Variants in ITPR1 observed in about 807,000 individuals in gnomAD.
ITPR1 encodes inositol 1,4,5-trisphosphate-gated calcium channel ITPR1.
Under a neutral mutation model 318.4 loss-of-function variants are expected in ITPR1, and 96 were observed. That is an observed-to-expected ratio of 0.30 (90% CI 0.26 to 0.36). The LOEUF (loss-of-function observed/expected upper bound fraction) is 0.36. Among genes scored for constraint, ITPR1 ranks in the 10% least tolerant of loss-of-function variants. The pLI, the probability that ITPR1 is intolerant of heterozygous loss-of-function variation, is 1.00. For missense variants in ITPR1, 2,440 were observed against 3,460.2 expected (o/e 0.71, Z 7.40); for synonymous variants, 1,312 against 1,289.9 (o/e 1.02, Z -0.37).
chr3:4,628,631 C>T (rs1398053573), intron 5 of ITPR1, among the ~76,000 whole-genome samples: 1 of 152,168 alleles, frequency 6.6e-6, no homozygotes, highest in East Asian at 1.9e-4. Context: ...CATTTTCTCC[C>T]CGTCATGTAA....
intron 3 of ITPR1, among the ~76,000 whole-genome samples, chr3:4,517,999 G>A (rs868038686): frequency 2.6e-5 from 4 of 152,308 alleles, no homozygotes; most frequent in South Asian, 4.1e-4. Flanking sequence ...TGTCATCATT[G>A]CTGTTTGTGG....
In ITPR1 at chr3:4,846,294, C is replaced by T. The variant is rs374393849; in HGVS notation, c.*69C>T. On this transcript the variant is annotated 3_prime_UTR_variant, in exon 62 of 62. Transcript: ENST00000649015. ...TTAGTGTGGGTATGGCTAATGAGTT[C>T]TGATTCACCCACGAAGGTTACATTT... 8 of 1,015,522 alleles carry T rather than the reference C, an allele frequency of 7.9e-6. No homozygotes were observed. In the East Asian group the frequency reaches 2.1e-4, roughly 27 times the overall value. 62.9% of individuals were successfully genotyped at this position (1,015,522 alleles called of 1,614,324 possible). A position where few individuals can be genotyped will look rare whatever the true frequency, so the allele number is the denominator to read the frequency against.
chr3:4,794,478 T>C (rs2047767232), intron 52 of ITPR1, among the ~76,000 whole-genome samples: 1 of 152,272 alleles, frequency 6.6e-6, no homozygotes, highest in African/African-American at 2.4e-5. Context: ...TTCAGGGAAA[T>C]GGCAGATGAC....
Position 4,702,866 on chromosome 3 carries a change from G to A in ITPR1, c.4573G>A (p.Val1525Met), listed in dbSNP as rs1353413445. 1 of 1,613,872 alleles carries A rather than the reference G, an allele frequency of 6.2e-7. No homozygotes were observed. Among genetic ancestry groups the A allele is most frequent in the Non-Finnish European group, 8.5e-7 (1 of 1,179,820 alleles). The change falls in exon 36 of 62, where the codon GTG becomes ATG. Residue 1525 changes from valine (V) to methionine (M), a missense_variant. By Grantham distance (21) the Val-to-Met change is conservative. Coordinates refer to ENST00000649015, the MANE Select transcript of ITPR1 (RefSeq NM_001378452.1). ...QPVFVQLLQG[V>M]FRVYHCNWLM... ...TGTCTTTGTGCAACTGCTGCAAGGC[G>A]TGTTCAGGGTTTACCACTGCAACTG...
intron 4 of ITPR1, among the ~76,000 whole-genome samples, chr3:4,557,968 A>C (rs1258111994): frequency 6.6e-6 from 1 of 152,188 alleles, no homozygotes; most frequent in Non-Finnish European, 1.5e-5. Flanking sequence ...GCTGCTTTTT[A>C]AAACCTCCTC....
In ITPR1 at chr3:4,684,194, C is replaced by A. The variant is rs562074855; in HGVS notation, c.3499-87C>A. 2.3e-4 allele frequency: 199 copies of A among 853,564 alleles called. No homozygotes were observed. In the African/African-American group the frequency reaches 2.7e-3, roughly 11 times the overall value. The allele number at this position is 853,564 out of a possible 1,614,324, so 52.9% of individuals were successfully genotyped here. On this transcript the variant is annotated intron_variant, in intron 28 of 61. Coordinates refer to ENST00000649015, the MANE Select transcript of ITPR1 (RefSeq NM_001378452.1). ...TGTAAAACAGTATAGAACTCCCTTT[C>A]TTTCCTAAAGGTCGATGCTAACTGT... is the stretch of plus-strand genomic sequence containing the variant.
chr3:4,746,565 C>T (rs948809371), intron 44 of ITPR1, among the ~76,000 whole-genome samples: 1 of 152,202 alleles, frequency 6.6e-6, no homozygotes, highest in Non-Finnish European at 1.5e-5. Flanking sequence ...GGTTGTGCTT[C>T]ATTTACTGTA....
intron 4 of ITPR1, among the ~76,000 whole-genome samples, chr3:4,531,857 C>T (rs1237027279): frequency 6.6e-6 from 1 of 152,198 alleles, no homozygotes; most frequent in Non-Finnish European, 1.5e-5. Context: ...GCTCCTTTTG[C>T]ACAGACTCTG....
intron 60 of ITPR1, among the ~76,000 whole-genome samples, chr3:4,819,536 A>C (rs942169971): frequency 9.2e-5 from 14 of 152,222 alleles, no homozygotes; most frequent in Admixed American, 3.3e-4. Flanking sequence ...GACAAAGCAG[A>C]TGCTTACTTA....
chr3:4,652,082 T>C (rs1434876759), intron 10 of ITPR1, 41 bp from the exon 11 acceptor site: 1 of 1,418,630 alleles, frequency 7.0e-7, no homozygotes, highest in Non-Finnish European at 9.9e-7. Context: ...CTTCCTAGTG[T>C]AGGTTGACAT....
chr3:4,524,015 C>G (rs1218856475), intron 4 of ITPR1, among the ~76,000 whole-genome samples: 1 of 152,172 alleles, frequency 6.6e-6, no homozygotes, highest in Admixed American at 6.5e-5. Flanking sequence ...GCTTTTCTCC[C>G]TAAATTAAAA....
chr3:4,837,557 G>A (rs1373698457), intron 61 of ITPR1, among the ~76,000 whole-genome samples: 1 of 151,970 alleles, frequency 6.6e-6, no homozygotes, highest in African/African-American at 2.4e-5. Flanking sequence ...CTTCCTATCC[G>A]TAAGATAAAT....
chr3:4,769,851 C>T (rs534915430), intron 46 of ITPR1, among the ~76,000 whole-genome samples: 4 of 152,206 alleles, frequency 2.6e-5, no homozygotes, highest in Non-Finnish European at 4.4e-5. Context: ...GAGGATGGAT[C>T]GTAGAGATCC....
chr3:4,638,496 T>TC (rs1237641751), intron 5 of ITPR1, among the ~76,000 whole-genome samples: 3 of 151,936 alleles, frequency 2.0e-5, no homozygotes, highest in African/African-American at 7.3e-5. Context: ...TTTACCATGT[T>TC]CCCCCCCTAG....
At chr3:4,599,156 G>C (rs2091079674) in intron 4 of ITPR1, among the ~76,000 whole-genome samples, 1 of 152,070 alleles carries the variant, frequency 6.6e-6, no homozygotes, top group South Asian at 2.1e-4. Context: ...TCCTCAGATG[G>C]GGATCCTTTA....
chr3:4,513,075 A>G lies in ITPR1; in HGVS notation c.-16-3401A>G, dbSNP rs867006521. Among the ~76,000 whole-genome samples, 4 of 152,234 alleles carry G rather than the reference A, an allele frequency of 2.6e-5. No individual in the cohort carries two copies. The South Asian group carries it at 6.2e-4, about 24-fold the overall frequency. ...TGAGTGACATAGGAGCCCTGAGTGCAGCTGCTAGAAGTTCACAGGCACAAA... is the reference window on the plus strand; with the variant it reads ...TGAGTGACATAGGAGCCCTGAGTGCGGCTGCTAGAAGTTCACAGGCACAAA... On this transcript the variant is annotated intron_variant, in intron 2 of 61. Coordinates refer to ENST00000649015, the MANE Select transcript of ITPR1 (RefSeq NM_001378452.1).
In ITPR1 at chr3:4,723,980, T is replaced by C. The variant is rs145991831; in HGVS notation, c.5137-1566T>C. On this transcript the variant is annotated intron_variant, in intron 40 of 61. Coordinates refer to ENST00000649015, the MANE Select transcript of ITPR1 (RefSeq NM_001378452.1). ...TTTTAATTCTTTAGCATACAGAATG[T>C]AAGGGTAGAGTTAAAAATGCATTCT... Among the ~76,000 whole-genome samples the C allele has an allele frequency of 3.0e-3, 464 of 152,358 alleles. 8 individuals carry two copies. The highest frequency in any genetic ancestry group is 0.026 in the Admixed American group (399 of 15,306).
chr3:4,568,731 T>C (rs1259455936), intron 4 of ITPR1, among the ~76,000 whole-genome samples: 2 of 152,284 alleles, frequency 1.3e-5, no homozygotes, highest in East Asian at 1.9e-4. Context: ...GAGCCAGGTG[T>C]CAGGCGGATA....
chr3:4,546,011 T>G (rs1354815206), intron 4 of ITPR1, among the ~76,000 whole-genome samples: 1 of 152,162 alleles, frequency 6.6e-6, no homozygotes, highest in Non-Finnish European at 1.5e-5. Flanking sequence ...ATTTAATTTT[T>G]CTATGTCTTA....
Sources: gnomAD v4.1 joint callset for allele counts (sites outside exome capture counted in the v4.1 genomes callset) on GRCh38, gnomAD v4.1.1 for gene constraint, MANE v1.5 for transcripts, NCBI Gene and HGNC (gene_info 2026-07-23, HGNC 2026-07-21) for gene names.